The following CADPS variants were observed in gnomAD, a reference collection of about 807,000 sequenced individuals.
The protein encoded by CADPS is calcium-dependent secretion activator 1.
Under a neutral mutation model 167.3 loss-of-function variants are expected in CADPS, and 57 were observed. That is an observed-to-expected ratio of 0.34 (90% CI 0.28 to 0.42). The LOEUF (loss-of-function observed/expected upper bound fraction) is 0.42, where lower values mean the gene tolerates loss of function less well. Ranked by LOEUF, CADPS falls within the 20% of genes least tolerant of loss-of-function variation. CADPS has a pLI of 1.00. For missense variants in CADPS, 1,414 were observed against 1,738.1 expected (o/e 0.81, Z 3.32); for synonymous variants, 676 against 635.3 (o/e 1.06, Z -0.96).
intron 1 of CADPS, among the ~76,000 whole-genome samples, chr3:62,794,793 A>AAAGAAAAAAG (rs1553689822): frequency 1.5e-5 from 2 of 136,692 alleles, no homozygotes; most frequent in African/African-American, 7.0e-5. Flanking sequence ...AAAAAAAAAA[A>AAAGAAAAAAG]AAAAAAAAAA....
At chr3:62,561,418 A>ATT in intron 9 of CADPS, among the ~76,000 whole-genome samples, 1 of 136,516 alleles carries the variant, frequency 7.3e-6, no homozygotes, top group East Asian at 2.2e-4. Flanking sequence ...ATGCCTGGCT[A>ATT]TTTTTTTTTT....
chr3:62,707,332 C>A (rs2082504589), intron 3 of CADPS, among the ~76,000 whole-genome samples: 1 of 152,102 alleles, frequency 6.6e-6, no homozygotes, highest in Non-Finnish European at 1.5e-5. Flanking sequence ...CCCTGCAACC[C>A]CGGGTCTGTG....
chr3:62,630,091 T>C (rs1057408877), intron 6 of CADPS, among the ~76,000 whole-genome samples: 1 of 152,164 alleles, frequency 6.6e-6, no homozygotes, highest in African/African-American at 2.4e-5. Flanking sequence ...GAATATAGGG[T>C]TGCTGAGGGT....
intron 1 of CADPS, among the ~76,000 whole-genome samples, chr3:62,822,521 G>C (rs1320470728): frequency 1.3e-5 from 2 of 152,108 alleles, no homozygotes; most frequent in Non-Finnish European, 2.9e-5. Flanking sequence ...AGACCTATTA[G>C]CTTGCTCATT....
At chr3:62,654,503 T>C (rs1335083861) in intron 4 of CADPS, among the ~76,000 whole-genome samples, 1 of 152,138 alleles carries the variant, frequency 6.6e-6, no homozygotes, top group African/African-American at 2.4e-5. Flanking sequence ...GAAAATACTG[T>C]AGGCAACCAT....
chr3:62,737,850 G>A (rs473560), intron 3 of CADPS, among the ~76,000 whole-genome samples: 34,169 of 152,076 alleles, frequency 0.22, 4,104 homozygotes, highest in African/African-American at 0.3. Flanking sequence ...AAACCCTACA[G>A]AGACTTCTCT....
In CADPS at chr3:62,539,242, G is replaced by A. The variant is rs558365024; in HGVS notation, c.1967-2661C>T. On this transcript the variant is annotated intron_variant, in intron 11 of 29. Coordinates refer to ENST00000383710, the MANE Select transcript of CADPS (RefSeq NM_003716.4). ...GCATCAGTTGCCTTCTGTGTAAGAG[G>A]AGCTGAATTTTCAGTTCCCTTCCTG... Among the ~76,000 whole-genome samples, 3 of 152,120 alleles carry A rather than the reference G, an allele frequency of 2.0e-5. No homozygotes were observed. In the East Asian group the frequency reaches 5.8e-4, roughly 30 times the overall value.
At chr3:62,615,963 A>T (rs759616809) in intron 6 of CADPS, among the ~76,000 whole-genome samples, 1 of 152,124 alleles carries the variant, frequency 6.6e-6, no homozygotes. Flanking sequence ...AACAGATTCG[A>T]TACTGCATCA....
intron 3 of CADPS, among the ~76,000 whole-genome samples, chr3:62,743,467 T>C (rs1476570802): frequency 2.0e-5 from 3 of 152,212 alleles, no homozygotes; most frequent in Non-Finnish European, 4.4e-5. Context: ...CTGAAAAGCT[T>C]TGCAATTTGG....
intron 3 of CADPS, among the ~76,000 whole-genome samples, chr3:62,665,273 G>A (rs2074206783): frequency 6.6e-6 from 1 of 152,148 alleles, no homozygotes; most frequent in African/African-American, 2.4e-5. Context: ...GTAAATAATT[G>A]TTTTTAACTG....
At position 62,600,045 on chromosome 3, in the gene CADPS, T is replaced by A. The variant is rs969142949; in HGVS notation, c.1326-7297A>T. ...GAAAGCAACAAATTCAGAATAACCATGTCACTAAATTCAGGGGATTGTAGA... is the reference window on the plus strand; with the variant it reads ...GAAAGCAACAAATTCAGAATAACCAAGTCACTAAATTCAGGGGATTGTAGA... On this transcript the variant is annotated intron_variant, in intron 6 of 29. Transcript: ENST00000383710. 3.5e-5 allele frequency among the ~76,000 whole-genome samples: 5 copies of A among 143,986 alleles called. No homozygotes were observed. In the East Asian group the frequency reaches 1.0e-3, roughly 29 times the overall value. 94.5% of individuals were successfully genotyped at this position (143,986 alleles called of 152,430 possible).
At chr3:62,685,433 T>C (rs2077828199) in intron 3 of CADPS, among the ~76,000 whole-genome samples, 1 of 151,890 alleles carries the variant, frequency 6.6e-6, no homozygotes, top group Non-Finnish European at 1.5e-5. Context: ...CTGGTGATAA[T>C]AATGTTAATG....
At chr3:62,638,895 T>C (rs1404530919) in intron 6 of CADPS, among the ~76,000 whole-genome samples, 1 of 152,146 alleles carries the variant, frequency 6.6e-6, no homozygotes, top group African/African-American at 2.4e-5. Flanking sequence ...TTGGAAAGCT[T>C]GGTGGCTTAC....
intron 1 of CADPS, among the ~76,000 whole-genome samples, chr3:62,766,457 T>C (rs907272356): frequency 6.1e-4 from 93 of 152,132 alleles, no homozygotes; most frequent in Non-Finnish European, 1.2e-3. Context: ...TTTCCCCTCC[T>C]GAGAAATGGT....
intron 1 of CADPS, among the ~76,000 whole-genome samples, chr3:62,862,484 C>G (rs2080992727): frequency 6.6e-6 from 1 of 152,140 alleles, no homozygotes; most frequent in African/African-American, 2.4e-5. Flanking sequence ...CCTGGGATTA[C>G]AGGTGTGAGC....
At chr3:62,610,828 T>C (rs1349907051) in intron 6 of CADPS, among the ~76,000 whole-genome samples, 2 of 151,088 alleles carry the variant, frequency 1.3e-5, no homozygotes, top group Non-Finnish European at 2.9e-5. Context: ...TTAGCACACT[T>C]AGCCGACCTT....
In CADPS at chr3:62,465,238, T is replaced by C. The variant is rs1240297370; in HGVS notation, c.3636+129A>G. 9.7e-6 allele frequency: 6 copies of C among 619,870 alleles called. No individual in the cohort carries two copies. The highest frequency in any genetic ancestry group is 1.7e-5 in the Non-Finnish European group (6 of 344,296). The allele number at this position is 619,870 out of a possible 1,614,324, so 38.4% of individuals were successfully genotyped here. A position where few individuals can be genotyped will look rare whatever the true frequency, so the allele number is the denominator to read the frequency against. ...TTTGGCTTTTCACATAGTGTTAATA[T>C]TATACAATAGTTGACTATAATTAAC... On this transcript the variant is annotated intron_variant, in intron 26 of 29. Transcript: ENST00000383710. This position sits in a 1 kb window ranked among gnomAD's most constrained non-coding sequence, Gnocchi z 4.1.
chr3:62,460,609 A>G (rs1576361723), intron 26 of CADPS, among the ~76,000 whole-genome samples: 1 of 152,232 alleles, frequency 6.6e-6, no homozygotes, highest in African/African-American at 2.4e-5. Flanking sequence ...TCATTGATTC[A>G]GTTTGGGCTT....
At chr3:62,812,990 A>G (rs1345080689) in intron 1 of CADPS, among the ~76,000 whole-genome samples, 1 of 152,150 alleles carries the variant, frequency 6.6e-6, no homozygotes, top group Non-Finnish European at 1.5e-5. Context: ...ATGGAAAAAT[A>G]TTCCATACTC....
Sources: gnomAD v4.1 joint callset for allele counts (sites outside exome capture counted in the v4.1 genomes callset) on GRCh38, gnomAD v4.1.1 for gene constraint, Gnocchi (gnomAD v3.1) non-coding constraint, MANE v1.5 for transcripts, NCBI Gene and HGNC (gene_info 2026-07-23, HGNC 2026-07-21) for gene names.